FARS2: variants seen among roughly 807,000 people sequenced by gnomAD.
FARS2 encodes the protein phenylalanyl-tRNA synthetase 2, mitochondrial.
FARS2 carries 40 observed loss-of-function variants against 46.4 expected under a neutral mutation model. The observed-to-expected ratio is 0.86, with a 90% CI of 0.67 to 1.12. FARS2 has a LOEUF of 1.12. Ranked by LOEUF, FARS2 falls within the 50% of genes most tolerant of loss-of-function variation. The pLI is 0.00. For synonymous variants in FARS2, 234 were observed against 214.9 expected, an observed-to-expected ratio of 1.09 and a Z score of -0.78; for missense variants, 513 against 567.9, an observed-to-expected ratio of 0.90 and a Z score of 0.98.
chr6:5,659,428 A>G (rs1278467645), intron 6 of FARS2, among the ~76,000 whole-genome samples: 1 of 152,220 alleles, frequency 6.6e-6, no homozygotes, highest in Non-Finnish European at 1.5e-5. Flanking sequence ...TGAGGAACTC[A>G]CAGTACAGCG....
At chr6:5,376,799 T>C (rs1006162169) in intron 2 of FARS2, among the ~76,000 whole-genome samples, 1 of 152,210 alleles carries the variant, frequency 6.6e-6, no homozygotes, top group Non-Finnish European at 1.5e-5. Flanking sequence ...TTCTTTCTCA[T>C]CTGTCTTTGT....
intron 1 of FARS2, among the ~76,000 whole-genome samples, chr6:5,366,327 C>T (rs1026505001): frequency 5.3e-5 from 8 of 152,152 alleles, no homozygotes; most frequent in African/African-American, 1.7e-4. Flanking sequence ...GTCTTATCCT[C>T]CTGGGTCTCT....
chr6:5,658,125 G>A (rs1777685782), intron 6 of FARS2, among the ~76,000 whole-genome samples: 1 of 152,068 alleles, frequency 6.6e-6, no homozygotes, highest in Non-Finnish European at 1.5e-5. Context: ...GCGTGGTGGT[G>A]CATGTCTGTA....
chr6:5,251,620 C>T, the FARS2 span, among the ~76,000 whole-genome samples: 1 of 152,156 alleles, frequency 6.6e-6, no homozygotes. Context: ...GGGAATGGTG[C>T]TAAACTATTC....
intron 4 of FARS2, among the ~76,000 whole-genome samples, chr6:5,447,670 G>A (rs919562960): frequency 6.6e-5 from 10 of 152,166 alleles, no homozygotes; most frequent in East Asian, 1.9e-4. Flanking sequence ...CCCACATTTG[G>A]TTGAAAACAG....
chr6:5,380,738 G>T (rs1303996688), intron 2 of FARS2, among the ~76,000 whole-genome samples: 1 of 152,070 alleles, frequency 6.6e-6, no homozygotes, highest in Non-Finnish European at 1.5e-5. Context: ...CATTGTCTTC[G>T]CTCCGAGGCT....
At chr6:5,484,344 G>A (rs1016766651) in intron 4 of FARS2, among the ~76,000 whole-genome samples, 8 of 152,150 alleles carry the variant, frequency 5.3e-5, no homozygotes, top group Admixed American at 2.0e-4. Flanking sequence ...ATGTATTTGC[G>A]TCTAATCAGA....
At chr6:5,636,249 T>C (rs535169438) in intron 6 of FARS2, among the ~76,000 whole-genome samples, 1 of 152,358 alleles carries the variant, frequency 6.6e-6, no homozygotes, top group African/African-American at 2.4e-5. Context: ...TGAAGTTCCC[T>C]CTATGTGATA....
intron 4 of FARS2, among the ~76,000 whole-genome samples, chr6:5,432,488 ATATT>A (rs1469187914): frequency 8.7e-5 from 11 of 126,886 alleles, no homozygotes; most frequent in Admixed American, 9.7e-5. Context: ...TATATAATAT[ATATT>A]ATATATATTT....
intron 6 of FARS2, chr6:5,695,221 T>A (rs1758026418): frequency 6.6e-6 from 1 of 152,252 alleles, no homozygotes; most frequent in African/African-American, 2.4e-5. Context: ...CCCAGAATGA[T>A]CGAAACATCT....
At chr6:5,319,725 A>G (rs979473823) in intron 1 of FARS2, among the ~76,000 whole-genome samples, 3 of 152,168 alleles carry the variant, frequency 2.0e-5, no homozygotes, top group Non-Finnish European at 4.4e-5. Context: ...GGAGGAAAGA[A>G]TCGAGTTGCT....
chr6:5,283,016 C>T (rs543888804), intron 1 of FARS2, among the ~76,000 whole-genome samples: 10 of 151,912 alleles, frequency 6.6e-5, no homozygotes, highest in Non-Finnish European at 1.2e-4. Context: ...GCAGGTGGAT[C>T]ATTTGAGGTC....
Position 5,539,384 on chromosome 6 carries a change from G to GTGTGTGTATATA in FARS2, c.905-5795_905-5794insGTGTGTATATAT. Among the ~76,000 whole-genome samples the GTGTGTGTATATA allele has an allele frequency of 3.6e-3, 284 of 79,594 alleles. 14 individuals are homozygous for GTGTGTGTATATA. Among genetic ancestry groups the GTGTGTGTATATA allele is most frequent in the African/African-American group, 0.012 (268 of 21,628 alleles). The allele number at this position is 79,594 out of a possible 152,430, so 52.2% of individuals were successfully genotyped here. A position where few individuals can be genotyped will look rare whatever the true frequency, so the allele number is the denominator to read the frequency against. ...ACCATGCCCACCTAATTTTTTTTGT[G>GTGTGTGTATATA]TATATATATATATATGTATATATTT... On this transcript the variant is annotated intron_variant, in intron 4 of 6. Coordinates refer to ENST00000274680, the MANE Select transcript of FARS2 (RefSeq NM_006567.5).
intron 1 of FARS2, chr6:5,272,551 G>A (rs1766035340): frequency 6.6e-6 from 1 of 152,004 alleles, no homozygotes; most frequent in African/African-American, 2.4e-5. Context: ...CATAATAGAT[G>A]TACATATTTT....
intron 5 of FARS2, among the ~76,000 whole-genome samples, chr6:5,567,027 G>A (rs536346861): frequency 3.3e-5 from 5 of 152,364 alleles, no homozygotes; most frequent in Admixed American, 2.0e-4. Context: ...GGCGTAGGCC[G>A]AACCAACTTT....
At chr6:5,678,022 G>A (rs1367944020) in intron 6 of FARS2, among the ~76,000 whole-genome samples, 1 of 152,146 alleles carries the variant, frequency 6.6e-6, no homozygotes, top group Admixed American at 6.5e-5. Flanking sequence ...TAAGAGAAAA[G>A]CAAGAGAGAT....
chr6:5,314,506 C>T (rs1348095500), intron 1 of FARS2, among the ~76,000 whole-genome samples: 2 of 152,182 alleles, frequency 1.3e-5, no homozygotes, highest in African/African-American at 4.8e-5. Context: ...CAGGAGGTAG[C>T]TGAGAAAATC....
At chr6:5,254,638 C>T in the FARS2 span, among the ~76,000 whole-genome samples, 2 of 152,156 alleles carry the variant, frequency 1.3e-5, no homozygotes, top group African/African-American at 4.8e-5. Flanking sequence ...ACAGGTGCTT[C>T]CTCAACATCT....
chr6:5,529,559 G>A (rs1769693064), intron 4 of FARS2, among the ~76,000 whole-genome samples: 1 of 152,198 alleles, frequency 6.6e-6, no homozygotes, highest in South Asian at 2.1e-4. Context: ...ACCTGCCTCA[G>A]CCTCTCAAAG....
Sources: allele counts gnomAD v4.1 joint callset (sites outside exome capture counted in the v4.1 genomes callset), GRCh38; gene constraint gnomAD v4.1.1; transcripts MANE v1.5; gene names NCBI Gene and HGNC (gene_info 2026-07-23, HGNC 2026-07-21).